The following ABCG8 variants were observed in gnomAD, a reference collection of about 807,000 sequenced individuals.
ABCG8 encodes ATP-binding cassette sub-family G member 8.
In ABCG8, 81 loss-of-function variants were observed where a neutral mutation model predicts 71.3. That is an observed-to-expected ratio of 1.14 (90% CI 0.95 to 1.37). ABCG8 has a LOEUF of 1.37. ABCG8 is among the 40% of genes most tolerant of loss of function. ABCG8 has a pLI of 0.00. For synonymous variants in ABCG8, 451 were observed against 354.7 expected (o/e 1.27, Z -3.05); for missense variants, 1,119 against 866.2 (o/e 1.29, Z -3.66).
At position 43,873,189 on chromosome 2, in the gene ABCG8, ATTTT is replaced by A. The variant is rs71393209; in HGVS notation, c.1212-584_1212-581del. On this transcript the variant is annotated intron_variant, in intron 8 of 12. Transcript: ENST00000272286. ...AGGCAGCAGACATCATTGAGCGTACATTTTTTTTTTTTTTTTTAACACAGAGTCT... is the reference window on the plus strand; with the variant it reads ...AGGCAGCAGACATCATTGAGCGTACATTTTTTTTTTTTTAACACAGAGTCT... Among the ~76,000 whole-genome samples the A allele has an allele frequency of 4.1e-3, 578 of 140,496 alleles. 3 individuals carry two copies. The highest frequency in any genetic ancestry group is 0.014 in the African/African-American group (544 of 38,118). The allele number at this position is 140,496 out of a possible 152,430, so 92.2% of individuals were successfully genotyped here. A position where few individuals can be genotyped will look rare whatever the true frequency, so the allele number is the denominator to read the frequency against.
intron 9 of ABCG8, 125 bp downstream of exon 9, chr2:43,874,111 A>G (rs750045472): frequency 4.6e-6 from 5 of 1,097,990 alleles, no homozygotes; most frequent in Non-Finnish European, 6.9e-6. Flanking sequence ...TAATGTTTTT[A>G]AAGTTTGCAT....
At chr2:43,867,907 C>T (rs1269022176) in intron 6 of ABCG8, among the ~76,000 whole-genome samples, 1 of 151,770 alleles carries the variant, frequency 6.6e-6, no homozygotes, top group Non-Finnish European at 1.5e-5. Flanking sequence ...GGATAGAATT[C>T]TGACTCGCTG....
chr2:43,865,774 TG>T (rs1193265739), intron 6 of ABCG8, among the ~76,000 whole-genome samples: 1 of 152,136 alleles, frequency 6.6e-6, no homozygotes, highest in South Asian at 2.1e-4. Context: ...ACTATCAGTC[TG>T]GATAGAATTC....
intron 12 of ABCG8, 30 bp from the exon 13 acceptor site, chr2:43,877,746 C>A: frequency 6.2e-7 from 1 of 1,614,164 alleles, no homozygotes; most frequent in South Asian, 1.1e-5. Flanking sequence ...CCATCCTCCT[C>A]ATGAGCCCAC....
chr2:43,862,227 ACTAT>A (rs1267365971), intron 6 of ABCG8, among the ~76,000 whole-genome samples: 4 of 150,772 alleles, frequency 2.7e-5, no homozygotes, highest in Admixed American at 6.6e-5. Context: ...TAGAACTCTC[ACTAT>A]CTGTCTGGAT....
At chr2:43,860,664 T>G (rs1439289446) in intron 6 of ABCG8, among the ~76,000 whole-genome samples, 1 of 151,196 alleles carries the variant, frequency 6.6e-6, no homozygotes, top group Non-Finnish European at 1.5e-5. Flanking sequence ...GATAGAATTG[T>G]CACCATCTGG....
At chr2:43,874,527 G>GT (rs1471826908) in intron 10 of ABCG8, 44 bp downstream of exon 10, 4 of 1,487,174 alleles carry the variant, frequency 2.7e-6, no homozygotes, top group Non-Finnish European at 3.8e-6. Context: ...ACCCACCAGG[G>GT]TGGGGGTAAG....
In ABCG8 at chr2:43,872,235, A is replaced by G. The variant is rs200436078; in HGVS notation, c.1140A>G (p.Pro380=). 8 of 1,613,964 alleles carry G rather than the reference A, an allele frequency of 5.0e-6. No homozygotes were observed. The African/African-American group carries it at 1.1e-4, about 22-fold the overall frequency. Residue 380 remains proline, a synonymous_variant, in exon 8 of 13, where the codon CCA becomes CCG. Coordinates refer to ENST00000272286, the MANE Select transcript of ABCG8 (RefSeq NM_022437.3). ...EDTCVESSVT[P]LDTNCLPSPT... ...TTCTGCCTCCCAGCAGCGTGACCCCACTAGACACCAACTGCCTCCCGAGTC... is the reference window on the plus strand; with the variant it reads ...TTCTGCCTCCCAGCAGCGTGACCCCGCTAGACACCAACTGCCTCCCGAGTC...
At chr2:43,854,996 A>G (rs1669052551) in intron 6 of ABCG8, among the ~76,000 whole-genome samples, 1 of 152,226 alleles carries the variant, frequency 6.6e-6, no homozygotes, top group African/African-American at 2.4e-5. Flanking sequence ...GGGGTCAGTG[A>G]GAAATCTACC....
intron 3 of ABCG8, among the ~76,000 whole-genome samples, chr2:43,850,677 C>G (rs1287171445): frequency 3.9e-5 from 6 of 152,090 alleles, no homozygotes; most frequent in African/African-American, 1.4e-4. Context: ...CTTTGGGAGG[C>G]CCAGGCGGGT....
chr2:43,852,213 C>T, intron 4 of ABCG8, 141 bp from the exon 5 acceptor site: 3 of 1,191,344 alleles, frequency 2.5e-6, no homozygotes, highest in Non-Finnish European at 2.4e-6. Flanking sequence ...AATGTTGCAG[C>T]TTGGAACTCA....
intron 6 of ABCG8, among the ~76,000 whole-genome samples, chr2:43,853,722 A>G (rs554045217): frequency 4.6e-5 from 7 of 152,296 alleles, no homozygotes; most frequent in Non-Finnish European, 8.8e-5. Context: ...GGCCATCTCC[A>G]TCTTTACAGA....
At chr2:43,841,169 C>G (rs1223774699) in intron 1 of ABCG8, among the ~76,000 whole-genome samples, 1 of 152,214 alleles carries the variant, frequency 6.6e-6, no homozygotes. Flanking sequence ...CCGTGAGTGT[C>G]AGCACATCAC....
intron 6 of ABCG8, 38 bp downstream of exon 6, chr2:43,852,906 C>G: frequency 1.2e-6 from 2 of 1,608,512 alleles, no homozygotes; most frequent in South Asian, 1.1e-5. Context: ...CCCTGGCACA[C>G]AGGGCCTCCC....
intron 1 of ABCG8, among the ~76,000 whole-genome samples, chr2:43,843,119 G>C (rs1184272569): frequency 1.3e-5 from 2 of 152,166 alleles, no homozygotes; most frequent in Non-Finnish European, 2.9e-5. Flanking sequence ...AGATGCTTGA[G>C]GTCAGCCTCC....
At chr2:43,844,710 C>A in intron 2 of ABCG8, 102 bp downstream of exon 2, 1 of 860,890 alleles carries the variant, frequency 1.2e-6, no homozygotes. Context: ...AGGCCCTCTG[C>A]CCGCAAGGAC....
At chr2:43,851,898 C>A in intron 4 of ABCG8, 76 bp downstream of exon 4, 1 of 1,514,390 alleles carries the variant, frequency 6.6e-7, no homozygotes, top group Non-Finnish European at 9.1e-7. Flanking sequence ...CCCCTGCTGC[C>A]TTGCCTCAGG....
Position 43,846,517 on chromosome 2 carries a change from T to C in ABCG8, c.322+206T>C, listed in dbSNP as rs41360247. 45,678 of 700,082 alleles carry C rather than the reference T, an allele frequency of 0.065. 1,759 individuals are homozygous for C. Among genetic ancestry groups the C allele is most frequent in the African/African-American group, 0.11 (6,378 of 56,476 alleles). 43.4% of individuals were successfully genotyped at this position (700,082 alleles called of 1,614,324 possible). On this transcript the variant is annotated intron_variant, in intron 3 of 12. Coordinates refer to ENST00000272286, the MANE Select transcript of ABCG8 (RefSeq NM_022437.3). Reference sequence around the variant, plus strand: ...CTGGCTTGAGGGTAGGTGCTGTTGTTAAGAGTCATGAGTGCGCCTCTTGTC... The same window carrying C: ...CTGGCTTGAGGGTAGGTGCTGTTGTCAAGAGTCATGAGTGCGCCTCTTGTC...
chr2:43,858,019 T>C (rs1669173208), intron 6 of ABCG8, among the ~76,000 whole-genome samples: 1 of 151,618 alleles, frequency 6.6e-6, no homozygotes, highest in Non-Finnish European at 1.5e-5. Context: ...GATAGAACTC[T>C]CAATATATAT....
Sources: allele counts gnomAD v4.1 joint callset (sites outside exome capture counted in the v4.1 genomes callset), GRCh38; gene constraint gnomAD v4.1.1; transcripts MANE v1.5; gene names NCBI Gene and HGNC (gene_info 2026-07-23, HGNC 2026-07-21).